Variants in BTN3A1 observed in about 807,000 individuals in gnomAD.
BTN3A1 encodes dJ45P21.3 (butyrophilin, subfamily 3, member A1).
BTN3A1 carries 24 observed loss-of-function variants against 43.0 expected under a neutral mutation model. That is an observed-to-expected ratio of 0.56 (90% confidence interval 0.40 to 0.78). BTN3A1 has a LOEUF of 0.78. BTN3A1 is among the 30% of genes least tolerant of loss of function. The probability of loss-of-function intolerance (pLI) is 0.00; values close to 1 mark genes in which losing one functional copy is unlikely to be tolerated. For synonymous variants in BTN3A1, 181 were observed against 234.7 expected (o/e 0.77, Z 2.09); for missense variants, 533 against 626.2 (o/e 0.85, Z 1.59).
At chr6:26,406,675 C>T (rs1762030319) in intron 3 of BTN3A1, among the ~76,000 whole-genome samples, 1 of 152,190 alleles carries the variant, frequency 6.6e-6, no homozygotes, top group Non-Finnish European at 1.5e-5. Flanking sequence ...GTTCTTGAGC[C>T]AATGACCCTA....
In BTN3A1 at chr6:26,405,986, T is replaced by C. The variant is rs1291462800; in HGVS notation, c.163T>C (p.Phe55Leu). ...GEDADLPCHL[F>L]PTMSAETMEL... ...AGACGCTGATCTGCCCTGTCACCTG[T>C]TCCCGACCATGAGTGCAGAGACCAT... Residue 55 changes from phenylalanine to leucine, a missense_variant, in exon 3 of 10, where the codon TTC (phenylalanine) becomes CTC (leucine). Phe to Leu is a conservative substitution (Grantham distance 22). This residue lies in a region of BTN3A1 where 56 missense variants were observed against 67.1 expected (regional missense o/e 0.83). Transcript: ENST00000289361. 12 of 1,608,480 alleles carry C rather than the reference T, an allele frequency of 7.5e-6. No homozygotes were observed. In the East Asian group the frequency reaches 2.5e-4, roughly 33 times the overall value.
intron 8 of BTN3A1, among the ~76,000 whole-genome samples, 187 bp downstream of exon 8, chr6:26,411,322 C>T (rs1203265564): frequency 6.6e-6 from 1 of 152,170 alleles, no homozygotes; most frequent in Non-Finnish European, 1.5e-5. Flanking sequence ...TGACCCTGCA[C>T]ACCCCCTTGC....
At chr6:26,407,005 G>T (rs1041047265) in intron 3 of BTN3A1, among the ~76,000 whole-genome samples, 12 of 152,162 alleles carry the variant, frequency 7.9e-5, no homozygotes, top group African/African-American at 2.9e-4. Flanking sequence ...GCTGATGGGG[G>T]TTGTTTGGTC....
At chr6:26,412,507 C>T in intron 9 of BTN3A1, 3 of 1,549,470 alleles carry the variant, frequency 1.9e-6, no homozygotes, top group Non-Finnish European at 2.6e-6. Context: ...TTCCTGGGGC[C>T]CAGAAGAGGG....
At chr6:26,411,866 T>C in intron 9 of BTN3A1, 1 of 377,142 alleles carries the variant, frequency 2.7e-6, no homozygotes, top group East Asian at 4.9e-5. Flanking sequence ...AGACACACAC[T>C]GAGTAATACT....
intron 1 of BTN3A1, among the ~76,000 whole-genome samples, chr6:26,403,540 C>T (rs1284016730): frequency 6.6e-6 from 1 of 152,014 alleles, no homozygotes; most frequent in East Asian, 1.9e-4. Context: ...TCAAAGCACA[C>T]ACCTTTTTTT....
chr6:26,411,684 C>T (rs1393627245), intron 9 of BTN3A1, 103 bp downstream of exon 9: 1 of 1,409,008 alleles, frequency 7.1e-7, no homozygotes, highest in South Asian at 1.4e-5. Flanking sequence ...AGAAAAGCTC[C>T]CATGACTAGG....
At chr6:26,406,424 C>T (rs1008617231) in intron 3 of BTN3A1, among the ~76,000 whole-genome samples, 168 bp downstream of exon 3, 1 of 151,410 alleles carries the variant, frequency 6.6e-6, no homozygotes, top group African/African-American at 2.4e-5. Context: ...ACAGGTTTTC[C>T]TTTAGGAAGA....
At position 26,413,225 on chromosome 6, in the gene BTN3A1, C is replaced by G; in HGVS notation, c.1075C>G (p.Gln359Glu). ...CCCCATCCTCCTTGTTTCTGAGGACCAGAGGAGTGTGCAGCGTGCCAAGGA... is the reference window on the plus strand; with the variant it reads ...CCCCATCCTCCTTGTTTCTGAGGACGAGAGGAGTGTGCAGCGTGCCAAGGA... ...ANPILLVSED[Q>E]RSVQRAKEPQ... Residue 359 changes from glutamine to glutamate, a missense_variant, in exon 10 of 10, where the codon CAG becomes GAG. Physicochemically the swap from Gln to Glu is conservative, Grantham distance 29. Coordinates refer to ENST00000289361, the MANE Select transcript of BTN3A1 (RefSeq NM_007048.6). 6.2e-7 allele frequency: 1 copy of G among 1,614,120 alleles called. No individual in the cohort carries two copies.
chr6:26,407,068 T>C (rs1476045214), intron 3 of BTN3A1, among the ~76,000 whole-genome samples: 4 of 152,158 alleles, frequency 2.6e-5, no homozygotes. Flanking sequence ...ACACATGATG[T>C]GGGGTGGTCT....
At position 26,413,376 on chromosome 6, in the gene BTN3A1, T is replaced by C. The variant is rs1165536313; in HGVS notation, c.1226T>C (p.Ile409Thr). ...GTAGGGGACAGGAAAGAGTGGCATA[T>C]AGGGGTGTGCAGTAAGAATGTGCAG... ...VEVGDRKEWH[I>T]GVCSKNVQRK... Residue 409 changes from isoleucine to threonine, a missense_variant, in exon 10 of 10, where the codon ATA becomes ACA. Physicochemically the swap from Ile to Thr is moderately conservative, Grantham distance 89. This residue lies in a region of BTN3A1 where 415 missense variants were observed against 427.0 expected (regional missense o/e 0.97). Transcript: ENST00000289361. 1.2e-6 allele frequency: 2 copies of C among 1,613,436 alleles called. No homozygotes were observed. Among genetic ancestry groups the C allele is most frequent in the Non-Finnish European group, 1.7e-6 (2 of 1,179,870 alleles).
At position 26,402,340 on chromosome 6, in the gene BTN3A1, T is replaced by C. The variant is rs915820304; in HGVS notation, c.-265T>C. On this transcript the variant is annotated 5_prime_UTR_variant, in exon 1 of 10. Transcript: ENST00000289361. ...TTTCTTCCAGAAGGAGATTTAACCA[T>C]AGTAGAAAGAATGGAGAACTATTAA... The C allele has an allele frequency of 1.2e-4, 18 of 152,222 alleles. No homozygotes were observed. The highest frequency in any genetic ancestry group is 4.1e-4 in the African/African-American group (17 of 41,446). The allele number at this position is 152,222 out of a possible 1,614,324, so 9.4% of individuals were successfully genotyped here.
Position 26,402,420 on chromosome 6 carries a change from G to C in BTN3A1, c.-193+8G>C, listed in dbSNP as rs1469453143. The C allele has an allele frequency of 6.6e-6, 1 of 152,294 alleles. No homozygotes were observed. Among genetic ancestry groups the C allele is most frequent in the Admixed American group, 6.5e-5 (1 of 15,280 alleles). The allele number at this position is 152,294 out of a possible 1,614,324, so 9.4% of individuals were successfully genotyped here. On this transcript the variant is annotated splice_region_variant and intron_variant, in intron 1 of 9. Transcript: ENST00000289361. ...AGAGGGGAATGCTAAGAGGTGAGTG[G>C]GGGAAGTCGATTAGAGCCTGGTTCA... is the stretch of plus-strand genomic sequence containing the variant.
intron 7 of BTN3A1, among the ~76,000 whole-genome samples, chr6:26,410,687 G>A (rs941190167): frequency 6.7e-6 from 1 of 150,306 alleles, no homozygotes; most frequent in Admixed American, 6.6e-5. Context: ...GATATAGAAG[G>A]ATCTTGCAAA....
chr6:26,411,728 T>TTTTCA, intron 9 of BTN3A1, 147 bp downstream of exon 9: 1 of 1,029,428 alleles, frequency 9.7e-7, no homozygotes, highest in Non-Finnish European at 1.4e-6. Context: ...AATTCCAATC[T>TTTTCA]GAAAAGTGGG....
intron 8 of BTN3A1, 116 bp downstream of exon 8, chr6:26,411,251 G>T: frequency 7.3e-7 from 1 of 1,366,162 alleles, no homozygotes. Context: ...TTAACCCAAA[G>T]ACTCAATTTG....
chr6:26,410,777 GTA>G (rs1293213866), intron 7 of BTN3A1, among the ~76,000 whole-genome samples: 3 of 148,056 alleles, frequency 2.0e-5, no homozygotes, highest in African/African-American at 2.5e-5. Context: ...GCATATATAT[GTA>G]TATATATATG....
intron 1 of BTN3A1, among the ~76,000 whole-genome samples, chr6:26,403,793 G>C (rs1358561867): frequency 6.6e-6 from 1 of 151,944 alleles, no homozygotes; most frequent in Non-Finnish European, 1.5e-5. Flanking sequence ...CAAATTGCAA[G>C]GATTACAGGC....
intron 9 of BTN3A1, chr6:26,412,643 A>C: frequency 6.4e-7 from 1 of 1,550,522 alleles, no homozygotes; most frequent in Non-Finnish European, 8.7e-7. Flanking sequence ...CTGTGGGCTG[A>C]GTAAATAACA....
Sources: gnomAD v4.1 joint callset for allele counts (sites outside exome capture counted in the v4.1 genomes callset) on GRCh38, gnomAD v4.1.1 for gene constraint, gnomAD v4.1.1 regional missense constraint, MANE v1.5 for transcripts, NCBI Gene and HGNC (gene_info 2026-07-23, HGNC 2026-07-21) for gene names.